The following KMT2C variants were observed in gnomAD, a reference collection of about 807,000 sequenced individuals.
The protein encoded by KMT2C is histone-lysine N-methyltransferase 2C.
Under a neutral mutation model 507.9 loss-of-function variants are expected in KMT2C, and 88 were observed. That is an observed-to-expected ratio of 0.17 (90% CI 0.15 to 0.21). KMT2C has a LOEUF of 0.21. Among genes scored for constraint, KMT2C ranks in the 10% least tolerant of loss-of-function variants. The probability of loss-of-function intolerance (pLI) is 1.00; values close to 1 mark genes in which losing one functional copy is unlikely to be tolerated. For synonymous variants in KMT2C, 2,049 were observed against 2,080.8 expected, an observed-to-expected ratio of 0.98 and a Z score of 0.42; for missense variants, 4,954 against 5,957.8, an observed-to-expected ratio of 0.83 and a Z score of 5.55.
chr7:152,320,533 A>AC (rs2096763997), intron 3 of KMT2C, among the ~76,000 whole-genome samples: 1 of 151,478 alleles, frequency 6.6e-6, no homozygotes. Flanking sequence ...ACAGGCATGA[A>AC]CCACCACACC....
intron 3 of KMT2C, among the ~76,000 whole-genome samples, chr7:152,325,466 GTTT>G (rs1407175170): frequency 7.3e-6 from 1 of 136,436 alleles, no homozygotes. Flanking sequence ...TTTTATGTGT[GTTT>G]TTTTTTTTTG....
intron 12 of KMT2C, among the ~76,000 whole-genome samples, chr7:152,250,536 A>AG (rs1194339934): frequency 6.6e-6 from 1 of 152,216 alleles, no homozygotes; most frequent in East Asian, 1.9e-4. Context: ...TCATTATCTC[A>AG]GCATGAAACA....
intron 1 of KMT2C, among the ~76,000 whole-genome samples, chr7:152,388,289 T>A (rs942054482): frequency 1.3e-5 from 2 of 152,232 alleles, no homozygotes; most frequent in African/African-American, 4.8e-5. Flanking sequence ...CCAGGCGTGG[T>A]GGATCACGCC....
intron 6 of KMT2C, among the ~76,000 whole-genome samples, chr7:152,283,640 G>T (rs78675193): frequency 2.3e-3 from 260 of 115,270 alleles, no homozygotes; most frequent in Middle Eastern, 0.022. Context: ...TACCCCCAAG[G>T]TGAGTCAATA....
chr7:152,233,526 A>G (rs548492485), intron 16 of KMT2C, among the ~76,000 whole-genome samples: 1 of 152,190 alleles, frequency 6.6e-6, no homozygotes, highest in Non-Finnish European at 1.5e-5. Context: ...AAAATCAATA[A>G]AACAGAAAGG....
chr7:152,330,539 T>C lies in KMT2C; in HGVS notation c.389+62A>G, dbSNP rs3735162. On this transcript the variant is annotated intron_variant, in intron 3 of 58. Transcript: ENST00000262189. ...ACTCATACTCCTTGAATTTTCTCTA[T>C]AGTCATTTCACTGCTTTATTCCTGT... is the stretch of plus-strand genomic sequence containing the variant. 4.7e-3 allele frequency: 7,097 copies of C among 1,497,376 alleles called. 324 individuals carry two copies. The East Asian group carries it at 0.11, about 23-fold the overall frequency. 92.8% of individuals were successfully genotyped at this position (1,497,376 alleles called of 1,614,324 possible). A position where few individuals can be genotyped will look rare whatever the true frequency, so the allele number is the denominator to read the frequency against.
chr7:152,329,957 A>G (rs1322350508), intron 3 of KMT2C, among the ~76,000 whole-genome samples: 1 of 151,958 alleles, frequency 6.6e-6, no homozygotes, highest in African/African-American at 2.4e-5. Context: ...CATCCTGGCC[A>G]ACATGGTGAA....
intron 23 of KMT2C, among the ~76,000 whole-genome samples, chr7:152,210,885 C>T (rs1477992100): frequency 6.6e-6 from 1 of 152,006 alleles, no homozygotes; most frequent in Admixed American, 6.6e-5. Context: ...AAAATAAGGA[C>T]ATGAATTGGA....
intron 31 of KMT2C, among the ~76,000 whole-genome samples, chr7:152,193,009 T>G (rs1035813527): frequency 2.0e-5 from 3 of 152,188 alleles, no homozygotes; most frequent in Admixed American, 2.0e-4. Context: ...CCCCCACCTC[T>G]GCAAAAAATC....
intron 7 of KMT2C, among the ~76,000 whole-genome samples, chr7:152,265,778 A>T (rs2095849816): frequency 6.6e-6 from 1 of 152,012 alleles, no homozygotes; most frequent in Admixed American, 6.5e-5. Flanking sequence ...TAAAGACAGA[A>T]GCTACATATT....
intron 13 of KMT2C, among the ~76,000 whole-genome samples, chr7:152,249,614 A>G (rs2095530035): frequency 6.6e-6 from 1 of 150,740 alleles, no homozygotes; most frequent in African/African-American, 2.4e-5. Context: ...GGATAAAAGA[A>G]AACTACCAAG....
chr7:152,151,703 A>AC lies in KMT2C; in HGVS notation c.12527-123_12527-122insG, dbSNP rs1361555326. 21 of 675,718 alleles carry AC rather than the reference A, an allele frequency of 3.1e-5. No individual in the cohort carries two copies. In the African/African-American group the frequency reaches 3.3e-4, roughly 11 times the overall value. The allele number at this position is 675,718 out of a possible 1,614,324, so 41.9% of individuals were successfully genotyped here. A position where few individuals can be genotyped will look rare whatever the true frequency, so the allele number is the denominator to read the frequency against. On this transcript the variant is annotated intron_variant, in intron 49 of 58. Transcript: ENST00000262189. ...GTTCATTAACATTATTCTTTAATTA[A>AC]TAAAAAAAATTTATCTTCTAAGCAA...
intron 25 of KMT2C, 64 bp downstream of exon 25, chr7:152,205,042 A>C (rs1345367429): frequency 9.6e-7 from 1 of 1,040,666 alleles, no homozygotes; most frequent in African/African-American, 1.6e-5. Flanking sequence ...GTTTTTTCCA[A>C]TAGAAATATC....
intron 6 of KMT2C, among the ~76,000 whole-genome samples, chr7:152,303,278 G>T (rs1165756848): frequency 6.6e-6 from 1 of 152,124 alleles, no homozygotes; most frequent in Non-Finnish European, 1.5e-5. Flanking sequence ...TTTAACACAG[G>T]AATAATATGT....
chr7:152,366,948 G>T, intron 1 of KMT2C: 1 of 512,644 alleles, frequency 2.0e-6, no homozygotes, highest in Non-Finnish European at 3.5e-6. Context: ...CGATCGCAAG[G>T]TCGCGCAGAA....
intron 2 of KMT2C, among the ~76,000 whole-genome samples, chr7:152,354,276 G>T (rs1406198637): frequency 1.3e-5 from 2 of 152,188 alleles, no homozygotes; most frequent in African/African-American, 4.8e-5. Context: ...AAAATGCCAG[G>T]AATTTAGTTT....
chr7:152,273,936 A>G, intron 6 of KMT2C, 69 bp from the exon 7 acceptor site: 1 of 1,544,770 alleles, frequency 6.5e-7, no homozygotes, highest in South Asian at 1.2e-5. Flanking sequence ...ATAAGCTGGG[A>G]AGGTATAAAA....
At chr7:152,231,876 TTTTG>T (rs765031864) in intron 16 of KMT2C, among the ~76,000 whole-genome samples, 12 of 152,180 alleles carry the variant, frequency 7.9e-5, no homozygotes, top group South Asian at 6.2e-4. Context: ...AAAGCAGTTT[TTTTG>T]TTTGTTTGTT....
intron 1 of KMT2C, among the ~76,000 whole-genome samples, chr7:152,377,510 G>A (rs548600570): frequency 4.6e-5 from 7 of 152,290 alleles, no homozygotes; most frequent in East Asian, 1.9e-4. Context: ...CAAGGCAGGC[G>A]GATCACTTGA....
Sources: gnomAD v4.1 joint callset for allele counts (sites outside exome capture counted in the v4.1 genomes callset) on GRCh38, gnomAD v4.1.1 for gene constraint, MANE v1.5 for transcripts, NCBI Gene and HGNC (gene_info 2026-07-23, HGNC 2026-07-21) for gene names.